Variants in DCC observed in about 807,000 individuals in gnomAD.
The protein encoded by DCC is DCC netrin 1 receptor, also known as netrin receptor DCC.
In DCC, 58 loss-of-function variants were observed where a neutral mutation model predicts 172.5. That is an observed-to-expected ratio of 0.34 (90% CI 0.27 to 0.42). The LOEUF (loss-of-function observed/expected upper bound fraction) is 0.42. Ranked by LOEUF, DCC falls within the 10% of genes least tolerant of loss-of-function variation. The probability of loss-of-function intolerance (pLI) is 1.00; values close to 1 mark genes in which losing one functional copy is unlikely to be tolerated. For missense variants in DCC, 1,740 were observed against 1,791.0 expected (o/e 0.97, Z 0.51); for synonymous variants, 709 against 644.5 (o/e 1.10, Z -1.52).
intron 2 of DCC, among the ~76,000 whole-genome samples, chr18:52,895,450 G>A (rs2039714480): frequency 6.6e-6 from 1 of 152,160 alleles, no homozygotes; most frequent in Non-Finnish European, 1.5e-5. Context: ...TGCTCGTGAA[G>A]AGTTGCTTGC....
chr18:53,219,733 C>A (rs1409710077), intron 12 of DCC, among the ~76,000 whole-genome samples: 1 of 152,138 alleles, frequency 6.6e-6, no homozygotes, highest in Non-Finnish European at 1.5e-5. Context: ...AAGTGTCTCA[C>A]TCTCCCTTGT....
At chr18:52,565,135 T>G (rs1028776287) in intron 1 of DCC, among the ~76,000 whole-genome samples, 3 of 152,136 alleles carry the variant, frequency 2.0e-5, no homozygotes, top group Admixed American at 6.6e-5. Context: ...TTCTATGTAC[T>G]TTTAAACATT....
chr18:53,305,993 A>C (rs989775809), intron 13 of DCC, among the ~76,000 whole-genome samples: 1 of 152,228 alleles, frequency 6.6e-6, no homozygotes, highest in African/African-American at 2.4e-5. Context: ...CAACAAAAGC[A>C]TCTGTTATCT....
At chr18:52,908,128 G>A (rs571324934) in intron 3 of DCC, among the ~76,000 whole-genome samples, 1 of 152,142 alleles carries the variant, frequency 6.6e-6, no homozygotes, top group South Asian at 2.1e-4. Context: ...CGGTCTCTGC[G>A]CTCTTAACTG....
chr18:53,018,913 T>G (rs1449361900), intron 5 of DCC, among the ~76,000 whole-genome samples: 1 of 152,190 alleles, frequency 6.6e-6, no homozygotes, highest in African/African-American at 2.4e-5. Flanking sequence ...CAATGTTTTT[T>G]CAATGTCTTT....
intron 8 of DCC, among the ~76,000 whole-genome samples, chr18:53,160,933 T>G (rs947100031): frequency 6.6e-6 from 1 of 152,182 alleles, no homozygotes; most frequent in Admixed American, 6.5e-5. Flanking sequence ...AGCGAAACTT[T>G]CACTTGTGCA....
chr18:53,497,167 G>A (rs1163129590), intron 26 of DCC, among the ~76,000 whole-genome samples: 1 of 152,164 alleles, frequency 6.6e-6, no homozygotes, highest in Non-Finnish European at 1.5e-5. Flanking sequence ...GGAACCTAGA[G>A]AAATAGCCAC....
chr18:53,048,968 T>A (rs770191189), intron 5 of DCC, among the ~76,000 whole-genome samples: 6 of 152,208 alleles, frequency 3.9e-5, no homozygotes, highest in Middle Eastern at 3.4e-3. Context: ...TCTTGTTGAC[T>A]GTATGTATGT....
At chr18:53,098,702 G>GC (rs2043121392) in intron 7 of DCC, among the ~76,000 whole-genome samples, 1 of 151,976 alleles carries the variant, frequency 6.6e-6, no homozygotes, top group Non-Finnish European at 1.5e-5. Context: ...AAGTTACTTT[G>GC]CCCCCCTTTA....
chr18:52,366,349 G>A (rs1415977671), intron 1 of DCC, among the ~76,000 whole-genome samples: 1 of 152,166 alleles, frequency 6.6e-6, no homozygotes, highest in Non-Finnish European at 1.5e-5. Flanking sequence ...AGCTTCCACA[G>A]TGTGCAAGGG....
intron 2 of DCC, among the ~76,000 whole-genome samples, chr18:52,852,387 C>T (rs1254233538): frequency 6.6e-6 from 1 of 151,978 alleles, no homozygotes; most frequent in Non-Finnish European, 1.5e-5. Flanking sequence ...AACTTTCATC[C>T]ATCTGTTTCT....
chr18:53,507,892 CTTTTTT>C (rs780896758), intron 27 of DCC, among the ~76,000 whole-genome samples: 19 of 130,998 alleles, frequency 1.5e-4, no homozygotes, highest in African/African-American at 5.8e-4. Context: ...ACAGATACCA[CTTTTTT>C]TTTTTTTTTT....
intron 5 of DCC, among the ~76,000 whole-genome samples, chr18:52,955,059 T>A (rs1428453072): frequency 6.6e-6 from 1 of 152,160 alleles, no homozygotes; most frequent in Admixed American, 6.5e-5. Context: ...GAGACATGAT[T>A]ATCACCCAAG....
chr18:52,749,253 C>G (rs2036958475), intron 1 of DCC, among the ~76,000 whole-genome samples: 1 of 151,958 alleles, frequency 6.6e-6, no homozygotes, highest in Admixed American at 6.6e-5. Context: ...AACAGGCAAA[C>G]AGGAACAGAA....
chr18:53,479,007 T>C (rs755676286), intron 25 of DCC, among the ~76,000 whole-genome samples: 6 of 152,186 alleles, frequency 3.9e-5, no homozygotes, highest in Non-Finnish European at 7.3e-5. Flanking sequence ...ACTGGGCATT[T>C]ATTCCATCAC....
chr18:53,011,690 A>T (rs1192277833), intron 5 of DCC, among the ~76,000 whole-genome samples: 1 of 151,764 alleles, frequency 6.6e-6, no homozygotes. Flanking sequence ...ATTCATAGGG[A>T]TTCTGCAACT....
At chr18:52,782,886 C>T (rs921120712) in intron 2 of DCC, among the ~76,000 whole-genome samples, 10 of 152,062 alleles carry the variant, frequency 6.6e-5, no homozygotes, top group African/African-American at 2.4e-4. Context: ...TGACACTCTA[C>T]CTAGAAGAAA....
intron 23 of DCC, among the ~76,000 whole-genome samples, chr18:53,453,756 A>G (rs1392358365): frequency 6.6e-6 from 1 of 152,200 alleles, no homozygotes; most frequent in Non-Finnish European, 1.5e-5. Flanking sequence ...GACCCTTAAT[A>G]CTTGGGTGGC....
intron 1 of DCC, among the ~76,000 whole-genome samples, chr18:52,637,904 G>C (rs2034813601): frequency 6.6e-6 from 1 of 152,144 alleles, no homozygotes; most frequent in Admixed American, 6.5e-5. Context: ...AGAATCTTAA[G>C]AGCTGTGAGA....
Sources: gnomAD v4.1 joint callset for allele counts (sites outside exome capture counted in the v4.1 genomes callset) on GRCh38, gnomAD v4.1.1 for gene constraint, MANE v1.5 for transcripts, NCBI Gene and HGNC (gene_info 2026-07-23, HGNC 2026-07-21) for gene names.